The following SLC35F4 variants were observed in gnomAD, a reference collection of about 807,000 sequenced individuals.
SLC35F4 encodes chromosome 14 open reading frame 36.
In SLC35F4, 24 loss-of-function variants were observed where a neutral mutation model predicts 44.2. That is an observed-to-expected ratio of 0.54 (90% CI 0.39 to 0.76). The LOEUF is 0.76. Among genes scored for constraint, SLC35F4 ranks in the 30% least tolerant of loss-of-function variants. SLC35F4 has a pLI of 0.00. For missense variants in SLC35F4, 562 were observed against 586.1 expected, an observed-to-expected ratio of 0.96 and a Z score of 0.42; for synonymous variants, 238 against 223.6, an observed-to-expected ratio of 1.06 and a Z score of -0.57.
At chr14:57,608,207 TCTCC>T (rs1165872003) in intron 1 of SLC35F4, among the ~76,000 whole-genome samples, 1 of 152,080 alleles carries the variant, frequency 6.6e-6, no homozygotes, top group Admixed American at 6.6e-5. Context: ...TGCGTCCCAC[TCTCC>T]CTCCCCTCCG....
intron 1 of SLC35F4, among the ~76,000 whole-genome samples, chr14:57,881,111 C>T (rs977161454): frequency 1.9e-4 from 29 of 152,154 alleles, no homozygotes; most frequent in Admixed American, 2.0e-4. Context: ...CTGTGTAGAG[C>T]CCATGCTGAC....
intron 1 of SLC35F4, among the ~76,000 whole-genome samples, chr14:57,782,577 T>C (rs1463650391): frequency 6.6e-6 from 1 of 152,206 alleles, no homozygotes; most frequent in African/African-American, 2.4e-5. Flanking sequence ...CATTAAATTG[T>C]AACTGCATAA....
intron 1 of SLC35F4, among the ~76,000 whole-genome samples, chr14:57,899,066 A>G (rs1206357992): frequency 1.3e-5 from 2 of 152,226 alleles, no homozygotes; most frequent in Non-Finnish European, 2.9e-5. Flanking sequence ...AGCACATGAC[A>G]GGAGGAGAAG....
At chr14:57,961,861 T>C (rs761672930) in intron 1 of SLC35F4, among the ~76,000 whole-genome samples, 4 of 152,192 alleles carry the variant, frequency 2.6e-5, no homozygotes, top group African/African-American at 7.2e-5. Flanking sequence ...TATGTCCTCA[T>C]GGGCCCCTGT....
At chr14:57,680,445 T>A (rs765562336) in intron 1 of SLC35F4, among the ~76,000 whole-genome samples, 1 of 152,080 alleles carries the variant, frequency 6.6e-6, no homozygotes, top group Non-Finnish European at 1.5e-5. Context: ...CTGGAAGCAT[T>A]CCCTTTGAAA....
chr14:57,928,475 G>A (rs1889626543), intron 1 of SLC35F4, among the ~76,000 whole-genome samples: 1 of 152,216 alleles, frequency 6.6e-6, no homozygotes, highest in South Asian at 2.1e-4. Context: ...ACAGTCATGA[G>A]GAACACTTTT....
At chr14:57,737,947 G>A (rs2076507837) in intron 1 of SLC35F4, among the ~76,000 whole-genome samples, 1 of 152,226 alleles carries the variant, frequency 6.6e-6, no homozygotes, top group Non-Finnish European at 1.5e-5. Flanking sequence ...GCAAGTACTA[G>A]GGGTAGGCAG....
At chr14:57,905,459 G>A (rs981532079) in intron 1 of SLC35F4, among the ~76,000 whole-genome samples, 1 of 152,216 alleles carries the variant, frequency 6.6e-6, no homozygotes, top group African/African-American at 2.4e-5. Context: ...CAGGAGGTCA[G>A]GATCTGCAGG....
Position 57,746,042 on chromosome 14 carries a change from T to C in SLC35F4, c.103+119681A>G, listed in dbSNP as rs1296721604. On this transcript the variant is annotated intron_variant, in intron 1 of 7. Transcript: ENST00000556826. ...GGTGGGAATTGAACAATGAGAACAC[T>C]TGAATACAGGGTGGGGAACATCACA... 2.0e-5 allele frequency among the ~76,000 whole-genome samples: 3 copies of C among 151,708 alleles called. No individual in the cohort carries two copies. In the South Asian group the frequency reaches 6.3e-4, roughly 32 times the overall value.
chr14:57,740,819 T>C (rs1422742088), intron 1 of SLC35F4, among the ~76,000 whole-genome samples: 3 of 152,196 alleles, frequency 2.0e-5, no homozygotes, highest in African/African-American at 7.2e-5. Context: ...AGAACAGACA[T>C]ACTGCCTCCT....
At position 57,834,220 on chromosome 14, in the gene SLC35F4, G is replaced by A. The variant is rs137864906; in HGVS notation, c.103+31503C>T. On this transcript the variant is annotated intron_variant, in intron 1 of 7. Coordinates refer to ENST00000556826, the MANE Select transcript of SLC35F4 (RefSeq NM_001306087.2). ...CAAAAGGACTGAGTTGGTAAAAATT[G>A]AGAAAGAGTGGGTACTGAGAAGTAA... 6.9e-3 allele frequency among the ~76,000 whole-genome samples: 1,057 copies of A among 152,312 alleles called. 11 individuals are homozygous for A. Among genetic ancestry groups the A allele is most frequent in the Middle Eastern group, 0.034 (10 of 294 alleles).
intron 1 of SLC35F4, among the ~76,000 whole-genome samples, chr14:57,837,110 A>G (rs1031815307): frequency 2.6e-5 from 4 of 152,202 alleles, no homozygotes; most frequent in Non-Finnish European, 5.9e-5. Context: ...ATACATCCTC[A>G]TTGTCAGAAG....
chr14:57,925,760 C>A (rs1889557633), intron 1 of SLC35F4, among the ~76,000 whole-genome samples: 1 of 151,686 alleles, frequency 6.6e-6, no homozygotes, highest in Non-Finnish European at 1.5e-5. Context: ...ATAACACTTA[C>A]ATCCAAATTT....
chr14:57,708,552 T>C (rs910863490), intron 1 of SLC35F4, among the ~76,000 whole-genome samples: 4 of 152,202 alleles, frequency 2.6e-5, no homozygotes, highest in African/African-American at 9.6e-5. Flanking sequence ...ATGTGGACAA[T>C]GAAGTCCAGG....
chr14:57,828,323 C>T (rs1334357913), intron 1 of SLC35F4, among the ~76,000 whole-genome samples: 7 of 152,022 alleles, frequency 4.6e-5, no homozygotes, highest in Non-Finnish European at 8.8e-5. Flanking sequence ...ACTGAAACCA[C>T]CACATCAGAA....
At chr14:57,753,373 G>A (rs1239666080) in intron 1 of SLC35F4, among the ~76,000 whole-genome samples, 1 of 152,118 alleles carries the variant, frequency 6.6e-6, no homozygotes, top group Admixed American at 6.5e-5. Flanking sequence ...GCAGCCCCAT[G>A]GCTCAAGGCT....
chr14:57,762,729 CCT>C (rs757130527), intron 1 of SLC35F4, among the ~76,000 whole-genome samples: 127 of 152,122 alleles, frequency 8.3e-4, no homozygotes, highest in Non-Finnish European at 1.6e-3. Flanking sequence ...TCCCTTTCCT[CCT>C]CTTTCTCTTG....
At chr14:57,927,615 C>T (rs1889605987) in intron 1 of SLC35F4, among the ~76,000 whole-genome samples, 1 of 151,858 alleles carries the variant, frequency 6.6e-6, no homozygotes, top group Admixed American at 6.6e-5. Context: ...CTCAGCCTCC[C>T]AAGTAGCTGG....
At chr14:57,851,919 A>C (rs2140987429) in intron 1 of SLC35F4, among the ~76,000 whole-genome samples, 1 of 152,334 alleles carries the variant, frequency 6.6e-6, no homozygotes, top group African/African-American at 2.4e-5. Context: ...AAATTTAAAA[A>C]CATTCCAAAG....
Sources: gnomAD v4.1 joint callset for allele counts (sites outside exome capture counted in the v4.1 genomes callset) on GRCh38, gnomAD v4.1.1 for gene constraint, MANE v1.5 for transcripts, NCBI Gene and HGNC (gene_info 2026-07-23, HGNC 2026-07-21) for gene names.